Variants in IL4R observed in about 807,000 individuals in gnomAD.
IL4R encodes the protein interleukin-4 receptor subunit alpha.
Under a neutral mutation model 41.5 loss-of-function variants are expected in IL4R, and 17 were observed. The ratio of observed to expected loss-of-function variants is 0.41; its 90% CI spans 0.28 to 0.61. IL4R has a LOEUF of 0.61. Ranked by LOEUF, IL4R falls within the 20% of genes least tolerant of loss-of-function variation. The probability of loss-of-function intolerance (pLI) is 0.31; values close to 1 mark genes in which losing one functional copy is unlikely to be tolerated. For synonymous variants in IL4R, 402 were observed against 422.9 expected (o/e 0.95, Z 0.61); for missense variants, 974 against 1,043.1 (o/e 0.93, Z 0.91).
chr16:27,346,631 G>A lies in IL4R; in HGVS notation c.513+13G>A, dbSNP rs1365244482. The A allele has an allele frequency of 6.2e-7, 1 of 1,613,586 alleles. No homozygotes were observed. On this transcript the variant is annotated intron_variant, in intron 6 of 10. Transcript: ENST00000395762. ...CGACCCGGCAGATGTGAGTGGGCAT[G>A]CTTTGACGTTTTTCTGTGACCTCTG...
chr16:27,363,908 GGCA>G lies in IL4R; in HGVS notation c.*81_*83del. 2 of 1,476,788 alleles carry G rather than the reference GGCA, an allele frequency of 1.4e-6. No individual in the cohort carries two copies. The highest frequency in any genetic ancestry group is 1.8e-6 in the Non-Finnish European group (2 of 1,105,568). The allele number at this position is 1,476,788 out of a possible 1,614,324, so 91.5% of individuals were successfully genotyped here. ...GCCTGGGAAATGCCACCTCCTGGAAGGCAGCCAGGCTGGCAGATTTCCAAAAGA... is the reference window on the plus strand; with the variant it reads ...GCCTGGGAAATGCCACCTCCTGGAAGGCCAGGCTGGCAGATTTCCAAAAGA... On this transcript the variant is annotated 3_prime_UTR_variant, in exon 11 of 11. Transcript: ENST00000395762.
intron 3 of IL4R, among the ~76,000 whole-genome samples, chr16:27,340,521 G>A (rs960064663): frequency 2.0e-5 from 3 of 151,936 alleles, no homozygotes; most frequent in Non-Finnish European, 4.4e-5. Context: ...CCAGGAGTTC[G>A]AGGTCAGCTT....
At chr16:27,355,152 T>G in intron 7 of IL4R, 1 of 338,752 alleles carries the variant, frequency 3.0e-6, no homozygotes, top group South Asian at 2.2e-5. Context: ...AAAGCAAACA[T>G]ATAAAGAAAG....
At position 27,363,673 on chromosome 16, in the gene IL4R, G is replaced by A; in HGVS notation, c.2321G>A (p.Ser774Asn). ...CCAGGTGGGGTTCCACTGGAGGCCA[G>A]TCTGTGTCCGGCCTCCCTGGCACCC... is the stretch of plus-strand genomic sequence containing the variant. ...PSPGGVPLEA[S>N]LCPASLAPSG... The change falls in exon 11 of 11, where the codon AGT (serine) becomes AAT (asparagine). Residue 774 changes from serine (S) to asparagine (N), a missense_variant. Ser to Asn is a conservative substitution (Grantham distance 46, BLOSUM62 1). Around this residue, in one of 3 missense-constraint regions of IL4R, gnomAD observed 682 missense variants for 704.3 expected, o/e 0.97. Transcript: ENST00000395762. 1 of 1,613,930 alleles carries A rather than the reference G, an allele frequency of 6.2e-7. No homozygotes were observed. Among genetic ancestry groups the A allele is most frequent in the Non-Finnish European group, 8.5e-7 (1 of 1,180,008 alleles).
rs1297715357 is a variant in IL4R at position 27,352,643 on chromosome 16, A to G, written c.617A>G (p.Gln206Arg). ...AGGGCACGGGTGAGGGCCTGGGCTCAGTGCTATAACACCACCTGGAGTGAG... is the reference window on the plus strand; with the variant it reads ...AGGGCACGGGTGAGGGCCTGGGCTCGGTGCTATAACACCACCTGGAGTGAG... Reference protein sequence around the residue: ...SYRARVRAWAQCYNTTWSEWS... With the variant: ...SYRARVRAWARCYNTTWSEWS... Residue 206 changes from glutamine to arginine, a missense_variant, in exon 7 of 11, where the codon CAG becomes CGG. Physicochemically the swap from Gln to Arg is conservative, Grantham distance 43. Transcript: ENST00000395762. 1.2e-6 allele frequency: 2 copies of G among 1,614,240 alleles called. No individual in the cohort carries two copies. The highest frequency in any genetic ancestry group is 2.7e-5 in the African/African-American group (2 of 75,070).
chr16:27,333,529 T>A (rs2085170688), intron 2 of IL4R, among the ~76,000 whole-genome samples: 1 of 152,180 alleles, frequency 6.6e-6, no homozygotes, highest in Middle Eastern at 3.2e-3. Flanking sequence ...TTGGCCTCTC[T>A]GGCCTCAGTT....
chr16:27,360,495 C>A (rs147073783), intron 9 of IL4R, among the ~76,000 whole-genome samples: 11 of 152,338 alleles, frequency 7.2e-5, no homozygotes, highest in Admixed American at 2.0e-4. Context: ...TTCTATGGGC[C>A]CAAGCAAGTC....
chr16:27,342,286 TG>T (rs2085467954), intron 4 of IL4R, 27 bp downstream of exon 4: 1 of 1,613,772 alleles, frequency 6.2e-7, no homozygotes, highest in African/African-American at 1.3e-5. Context: ...GCTGGAGGTT[TG>T]GGGAGGTTGT....
intron 1 of IL4R, among the ~76,000 whole-genome samples, chr16:27,326,368 C>T (rs940763982): frequency 3.3e-5 from 5 of 152,180 alleles, no homozygotes; most frequent in South Asian, 4.1e-4. Flanking sequence ...TGGCTGGACA[C>T]GGCAGCTCAT....
In IL4R at chr16:27,355,953, G is replaced by A. The variant is rs183297328; in HGVS notation, c.770+46G>A. On this transcript the variant is annotated intron_variant, in intron 8 of 10. Transcript: ENST00000395762. ...TGCCGAGCAGTCCCTCTGGAGTGCA[G>A]GGTGGCAGGGACTTGCCCCTCTAGT... 9.5e-6 allele frequency: 13 copies of A among 1,363,820 alleles called. No homozygotes were observed. The East Asian group carries it at 2.7e-4, about 29-fold the overall frequency. The allele number at this position is 1,363,820 out of a possible 1,614,324, so 84.5% of individuals were successfully genotyped here. A position where few individuals can be genotyped will look rare whatever the true frequency, so the allele number is the denominator to read the frequency against.
intron 7 of IL4R, chr16:27,355,251 G>A (rs1567330867): frequency 3.6e-6 from 1 of 281,006 alleles, no homozygotes; most frequent in East Asian, 8.7e-5. Context: ...AGGGGGCAAC[G>A]GTAGGGAGGG....
intron 2 of IL4R, among the ~76,000 whole-genome samples, chr16:27,335,451 T>A (rs1354744445): frequency 2.0e-5 from 3 of 152,064 alleles, no homozygotes; most frequent in Non-Finnish European, 4.4e-5. Context: ...CACTGCAGCC[T>A]CCAACTCCCA....
At chr16:27,335,261 G>GT (rs771601860) in intron 2 of IL4R, among the ~76,000 whole-genome samples, 3 of 152,112 alleles carry the variant, frequency 2.0e-5, no homozygotes, top group Non-Finnish European at 2.9e-5. Flanking sequence ...TTTCTGTATT[G>GT]TAACGTTCAT....
chr16:27,313,961 C>G (rs2084544828), upstream of IL4R: 1 of 984,654 alleles, frequency 1.0e-6, no homozygotes, highest in Non-Finnish European at 1.2e-6. Context: ...GAAGGGCCAC[C>G]CAGGGGTCCC....
chr16:27,335,603 C>T (rs548950088), intron 2 of IL4R, among the ~76,000 whole-genome samples: 1 of 152,218 alleles, frequency 6.6e-6, no homozygotes, highest in East Asian at 1.9e-4. Flanking sequence ...AAGTGGATAC[C>T]ATAATATTCA....
At chr16:27,313,862 C>T (rs2084540938), upstream of IL4R, 1 of 953,636 alleles carries the variant, frequency 1.0e-6, no homozygotes, top group East Asian at 1.2e-4. Context: ...GCGGCGCATG[C>T]AAATCTGCCG....
Position 27,363,398 on chromosome 16 carries a change from G to A in IL4R, c.2046G>A (p.Pro682=), listed in dbSNP as rs144093259. 1.2e-4 allele frequency: 188 copies of A among 1,613,940 alleles called. No individual in the cohort carries two copies. Among genetic ancestry groups the A allele is most frequent in the Admixed American group, 3.0e-4 (18 of 60,004 alleles). ...SSSPEHLGLE[P]GEKVEDMPKP... is the part of the protein sequence containing the mutation. ...CCCCAGAGCACCTGGGTCTGGAGCCGGGGGAAAAGGTAGAGGACATGCCAA... is the reference window on the plus strand; with the variant it reads ...CCCCAGAGCACCTGGGTCTGGAGCCAGGGGAAAAGGTAGAGGACATGCCAA... The change falls in exon 11 of 11, where the codon CCG becomes CCA. Residue 682 remains proline, a synonymous_variant. Coordinates refer to ENST00000395762, the MANE Select transcript of IL4R (RefSeq NM_000418.4).
intron 2 of IL4R, among the ~76,000 whole-genome samples, chr16:27,334,962 C>A (rs2085218247): frequency 6.6e-6 from 1 of 152,144 alleles, no homozygotes; most frequent in Non-Finnish European, 1.5e-5. Flanking sequence ...ATGGGACAGA[C>A]CCTGGCTGTC....
chr16:27,316,051 CAAAA>C (rs1338721835), intron 1 of IL4R, among the ~76,000 whole-genome samples: 1 of 152,056 alleles, frequency 6.6e-6, no homozygotes, highest in Non-Finnish European at 1.5e-5. Context: ...GCTCCCAGTT[CAAAA>C]AGGAGCTGAA....
Sources: gnomAD v4.1 joint callset for allele counts (sites outside exome capture counted in the v4.1 genomes callset) on GRCh38, gnomAD v4.1.1 for gene constraint, gnomAD v4.1.1 regional missense constraint, MANE v1.5 for transcripts, NCBI Gene and HGNC (gene_info 2026-07-23, HGNC 2026-07-21) for gene names.